RIN2: variants seen among roughly 807,000 people sequenced by gnomAD.
RIN2 encodes RAB5 interacting protein 2.
RIN2 carries 36 observed loss-of-function variants against 78.0 expected under a neutral mutation model. The observed-to-expected ratio is 0.46, with a 90% CI of 0.35 to 0.61. The LOEUF is 0.61. RIN2 is among the 20% of genes least tolerant of loss of function. RIN2 has a pLI of 0.00. For missense variants in RIN2, 1,087 were observed against 1,159.7 expected (o/e 0.94, Z 0.91); for synonymous variants, 466 against 466.8 (o/e 1.00, Z 0.02).
At chr20:19,816,826 A>C (rs1425090566) in intron 2 of RIN2, among the ~76,000 whole-genome samples, 1 of 152,258 alleles carries the variant, frequency 6.6e-6, no homozygotes, top group East Asian at 1.9e-4. Context: ...AATAACTGAA[A>C]GAAGATTTAG....
At chr20:19,991,410 A>G (rs1238645904) in intron 10 of RIN2, among the ~76,000 whole-genome samples, 2 of 152,234 alleles carry the variant, frequency 1.3e-5, no homozygotes, top group Admixed American at 1.3e-4. Context: ...CACACTAAAG[A>G]CATTAATGTA....
At chr20:19,998,578 T>A (rs553300572) in intron 12 of RIN2, among the ~76,000 whole-genome samples, 2 of 152,088 alleles carry the variant, frequency 1.3e-5, no homozygotes, top group Non-Finnish European at 2.9e-5. Context: ...ACCACTGCAC[T>A]CCAGCCTGGG....
rs188335211 is a variant in RIN2, at chr20:19,878,191, G to A, written c.-36-11375G>A. On this transcript the variant is annotated intron_variant, in intron 2 of 12. Coordinates refer to ENST00000255006, the MANE Select transcript of RIN2 (RefSeq NM_018993.4). ...GAGCAAACAAGTTGTGCCAGTCTTG[G>A]GCCCACATCCCCTCCCTGCCTCACC... is the stretch of plus-strand genomic sequence containing the variant. 7.3e-3 allele frequency among the ~76,000 whole-genome samples: 1,108 copies of A among 152,154 alleles called. 6 individuals carry two copies. Among genetic ancestry groups the A allele is most frequent in the Middle Eastern group, 0.014 (4 of 292 alleles).
intron 1 of RIN2, among the ~76,000 whole-genome samples, chr20:19,787,179 T>G (rs912253125): frequency 1.3e-5 from 2 of 151,946 alleles, no homozygotes; most frequent in Admixed American, 6.6e-5. Flanking sequence ...TCCCAGCACT[T>G]TGGGAGGCCG....
At chr20:19,954,482 C>A (rs2146224561) in intron 4 of RIN2, among the ~76,000 whole-genome samples, 1 of 152,204 alleles carries the variant, frequency 6.6e-6, no homozygotes, top group South Asian at 2.1e-4. Context: ...GTGAGAGAAC[C>A]CAGAGCGAAG....
At chr20:19,968,935 TCAAA>T (rs941980649) in intron 7 of RIN2, among the ~76,000 whole-genome samples, 17 of 152,082 alleles carry the variant, frequency 1.1e-4, no homozygotes, top group African/African-American at 4.1e-4. Flanking sequence ...CTGCTTCATC[TCAAA>T]CAGACACAAG....
chr20:19,928,310 C>T (rs1333403060), intron 3 of RIN2, among the ~76,000 whole-genome samples: 2 of 152,160 alleles, frequency 1.3e-5, no homozygotes, highest in Non-Finnish European at 1.5e-5. Flanking sequence ...CCAAATGGGT[C>T]GCCCAAGGCG....
At chr20:19,813,997 C>T (rs1895112921) in intron 2 of RIN2, among the ~76,000 whole-genome samples, 2 of 152,054 alleles carry the variant, frequency 1.3e-5, no homozygotes, top group South Asian at 2.1e-4. Context: ...TAATCTCTTC[C>T]GGTCTTGGTA....
In RIN2 at chr20:19,804,329, T is replaced by C. The variant is rs940769794; in HGVS notation, c.-37+4582T>C. Among the ~76,000 whole-genome samples, 3 of 152,352 alleles carry C rather than the reference T, an allele frequency of 2.0e-5. No individual in the cohort carries two copies. In the East Asian group the frequency reaches 5.8e-4, roughly 29 times the overall value. ...TGTCCATTCAGTGTGATATTAACTG[T>C]AGGTTTGTCATAAATGGCTCTTATT... On this transcript the variant is annotated intron_variant, in intron 2 of 12. Transcript: ENST00000255006.
At chr20:19,973,812 C>T (rs1486123802) in intron 8 of RIN2, among the ~76,000 whole-genome samples, 1 of 151,892 alleles carries the variant, frequency 6.6e-6, no homozygotes, top group African/African-American at 2.4e-5. Context: ...AAAAGAATAA[C>T]CTATCCCAAA....
chr20:19,826,881 T>C (rs2036104023), intron 2 of RIN2, among the ~76,000 whole-genome samples: 2 of 152,184 alleles, frequency 1.3e-5, no homozygotes, highest in Non-Finnish European at 2.9e-5. Flanking sequence ...AACTCCCTAT[T>C]TGAAATTCAG....
At chr20:19,943,865 G>C (rs1405915419) in intron 4 of RIN2, among the ~76,000 whole-genome samples, 1 of 151,588 alleles carries the variant, frequency 6.6e-6, no homozygotes, top group African/African-American at 2.4e-5. Context: ...GCTGTCAACT[G>C]TGTTAGCCAG....
intron 4 of RIN2, among the ~76,000 whole-genome samples, chr20:19,953,703 T>C (rs1029656232): frequency 6.6e-6 from 1 of 152,236 alleles, no homozygotes; most frequent in Non-Finnish European, 1.5e-5. Context: ...GTGCTGGGAT[T>C]ACAGGCTTTA....
chr20:19,843,736 C>T (rs557883978), intron 2 of RIN2, among the ~76,000 whole-genome samples: 90 of 152,282 alleles, frequency 5.9e-4, no homozygotes, highest in South Asian at 1.2e-3. Flanking sequence ...CTACCACAAT[C>T]CACCAGCATG....
At chr20:19,898,727 T>A (rs534892952) in intron 3 of RIN2, among the ~76,000 whole-genome samples, 6 of 152,254 alleles carry the variant, frequency 3.9e-5, no homozygotes, top group African/African-American at 1.4e-4. Flanking sequence ...ACCACATAAG[T>A]CAAACACAGA....
chr20:19,983,799 A>G (rs199597), intron 9 of RIN2, among the ~76,000 whole-genome samples: 109,083 of 151,800 alleles, frequency 0.72, 39,385 homozygotes, highest in African/African-American at 0.81. Context: ...GTAACCCAAT[A>G]GGTAATTTTT....
Position 19,990,080 on chromosome 20 carries a change from G to T in RIN2, c.1837G>T (p.Asp613Tyr). The change falls in exon 10 of 13, where the codon GAC (aspartate) becomes TAC (tyrosine). Residue 613 changes from aspartate (D) to tyrosine (Y), a missense_variant. This residue lies in a region of RIN2 where 97 missense variants were observed against 104.8 expected (regional missense o/e 0.93). Transcript: ENST00000255006. The part of the protein sequence containing the change: ...LKGHVEAMLK[D>Y]FHMADGSWKQ... Reference sequence around the variant, plus strand: ...GGGGCACGTGGAGGCCATGCTGAAGGACTTTCACATGGCCGATGGCTCATG... The same window carrying T: ...GGGGCACGTGGAGGCCATGCTGAAGTACTTTCACATGGCCGATGGCTCATG... 6.3e-7 allele frequency: 1 copy of T among 1,599,372 alleles called. No individual in the cohort carries two copies. Among genetic ancestry groups the T allele is most frequent in the South Asian group, 1.1e-5 (1 of 88,478 alleles).
At chr20:19,760,103 T>C (rs574866165) in intron 1 of RIN2, among the ~76,000 whole-genome samples, 2 of 152,352 alleles carry the variant, frequency 1.3e-5, no homozygotes, top group African/African-American at 4.8e-5. Context: ...GTGCTAATTT[T>C]CCTTTTTGCC....
chr20:19,844,237 G>A (rs1298674960), intron 2 of RIN2, among the ~76,000 whole-genome samples: 2 of 152,126 alleles, frequency 1.3e-5, no homozygotes, highest in African/African-American at 2.4e-5. Context: ...CCTCAGATAT[G>A]TGAGGGATAA....
Sources: gnomAD v4.1 joint callset for allele counts (sites outside exome capture counted in the v4.1 genomes callset) on GRCh38, gnomAD v4.1.1 for gene constraint, gnomAD v4.1.1 regional missense constraint, MANE v1.5 for transcripts, NCBI Gene and HGNC (gene_info 2026-07-23, HGNC 2026-07-21) for gene names.